Variants in TBX15 observed in about 807,000 individuals in gnomAD.
TBX15 encodes T-box transcription factor 15.
TBX15 carries 18 observed loss-of-function variants against 53.9 expected under a neutral mutation model. That is an observed-to-expected ratio of 0.33 (90% CI 0.23 to 0.49). The LOEUF is 0.49. TBX15 is among the 20% of genes least tolerant of loss of function. The pLI is 0.98. For synonymous variants in TBX15, 295 were observed against 278.0 expected (o/e 1.06, Z -0.61); for missense variants, 692 against 749.5 (o/e 0.92, Z 0.90).
intron 1 of TBX15, among the ~76,000 whole-genome samples, chr1:118,973,211 C>G (rs1192767244): frequency 6.6e-6 from 1 of 152,182 alleles, no homozygotes; most frequent in African/African-American, 2.4e-5. Flanking sequence ...GTCATGTGTT[C>G]AAAGTCACAG....
intron 7 of TBX15, among the ~76,000 whole-genome samples, chr1:118,889,103 G>A (rs1437621100): frequency 6.6e-6 from 1 of 152,172 alleles, no homozygotes; most frequent in Non-Finnish European, 1.5e-5. Flanking sequence ...AGTGTTTGAA[G>A]GAGGCAGGGG....
chr1:118,973,201 G>C (rs1469561510), intron 1 of TBX15, among the ~76,000 whole-genome samples: 1 of 152,160 alleles, frequency 6.6e-6, no homozygotes, highest in African/African-American at 2.4e-5. Context: ...GTGTGCCCAG[G>C]TCATGTGTTC....
chr1:118,934,755 C>T (rs1466106372), intron 1 of TBX15, among the ~76,000 whole-genome samples: 1 of 152,166 alleles, frequency 6.6e-6, no homozygotes, highest in Non-Finnish European at 1.5e-5. Context: ...TCCAAGAGGG[C>T]TAGAACACTC....
intron 5 of TBX15, among the ~76,000 whole-genome samples, chr1:118,920,258 C>T (rs952549527): frequency 3.9e-5 from 6 of 152,148 alleles, no homozygotes; most frequent in Middle Eastern, 3.4e-3. Flanking sequence ...GATGAGGTCA[C>T]GAGAGAGTGC....
chr1:118,905,946 A>C (rs1045265137), intron 6 of TBX15, among the ~76,000 whole-genome samples: 6 of 152,216 alleles, frequency 3.9e-5, no homozygotes, highest in Admixed American at 3.3e-4. Context: ...TATGCCTAGC[A>C]GAAGAGAGTG....
intron 1 of TBX15, among the ~76,000 whole-genome samples, chr1:118,974,355 C>A (rs926958657): frequency 6.6e-6 from 1 of 152,140 alleles, no homozygotes; most frequent in African/African-American, 2.4e-5. Context: ...CTTCTGAAAG[C>A]CATTTTTTTA....
chr1:118,922,096 A>C (rs1050135700), intron 5 of TBX15, among the ~76,000 whole-genome samples: 12 of 152,210 alleles, frequency 7.9e-5, no homozygotes, highest in Non-Finnish European at 1.5e-4. Flanking sequence ...GCGCAGCCAA[A>C]GGGAATGTTA....
At chr1:118,905,209 T>C (rs1331975292) in intron 6 of TBX15, among the ~76,000 whole-genome samples, 1 of 152,190 alleles carries the variant, frequency 6.6e-6, no homozygotes, top group Admixed American at 6.5e-5. Flanking sequence ...CTAATTCCAT[T>C]TTTCGTTGTC....
intron 7 of TBX15, among the ~76,000 whole-genome samples, chr1:118,897,307 C>T (rs1654463440): frequency 6.6e-6 from 1 of 152,118 alleles, no homozygotes; most frequent in Non-Finnish European, 1.5e-5. Context: ...GCAAGTGATC[C>T]CATTCACTAT....
At chr1:118,950,816 G>A (rs1417965293) in intron 1 of TBX15, among the ~76,000 whole-genome samples, 2 of 152,192 alleles carry the variant, frequency 1.3e-5, no homozygotes, top group East Asian at 3.9e-4. Context: ...AAGCTTGCCA[G>A]TATAAAAGCA....
chr1:118,896,886 C>G (rs777617986), intron 7 of TBX15, among the ~76,000 whole-genome samples: 22 of 152,120 alleles, frequency 1.4e-4, no homozygotes, highest in Non-Finnish European at 2.6e-4. Flanking sequence ...TAATGAGAAT[C>G]TGGATCAACT....
chr1:118,961,423 T>G (rs899415619), intron 1 of TBX15, among the ~76,000 whole-genome samples: 2 of 152,198 alleles, frequency 1.3e-5, no homozygotes, highest in African/African-American at 4.8e-5. Context: ...AAAGTACTGC[T>G]AGGAATCAGG....
intron 1 of TBX15, among the ~76,000 whole-genome samples, chr1:118,979,695 A>C (rs993810871): frequency 6.6e-6 from 1 of 152,164 alleles, no homozygotes; most frequent in African/African-American, 2.4e-5. Context: ...CTTCCCGGTT[A>C]GCCCAGGGTC....
intron 1 of TBX15, among the ~76,000 whole-genome samples, chr1:118,982,066 T>G (rs1657670210): frequency 1.3e-5 from 2 of 152,208 alleles, no homozygotes; most frequent in Non-Finnish European, 2.9e-5. Context: ...TTGAACAACT[T>G]TATCTTTTGA....
intron 7 of TBX15, among the ~76,000 whole-genome samples, chr1:118,889,507 C>G (rs180779930): frequency 3.3e-5 from 5 of 152,308 alleles, no homozygotes; most frequent in Admixed American, 3.3e-4. Flanking sequence ...AAGCATGACT[C>G]TCTTCCCTGT....
At chr1:118,891,745 C>T (rs1654152861) in intron 7 of TBX15, among the ~76,000 whole-genome samples, 1 of 152,120 alleles carries the variant, frequency 6.6e-6, no homozygotes, top group Admixed American at 6.6e-5. Context: ...CATGGGGAAA[C>T]TGAGAATAAA....
At chr1:118,918,163 T>C (rs1557883408) in intron 5 of TBX15, among the ~76,000 whole-genome samples, 2 of 152,216 alleles carry the variant, frequency 1.3e-5, no homozygotes, top group Non-Finnish European at 2.9e-5. Flanking sequence ...CTGCTACTCT[T>C]CTTAACTGCA....
intron 1 of TBX15, among the ~76,000 whole-genome samples, chr1:118,936,129 A>C (rs539280394): frequency 6.6e-6 from 1 of 152,146 alleles, no homozygotes. Flanking sequence ...CAATTTCCTT[A>C]ATCCTTATGG....
intron 1 of TBX15, among the ~76,000 whole-genome samples, chr1:118,935,942 A>G (rs1655952772): frequency 6.6e-6 from 1 of 152,172 alleles, no homozygotes; most frequent in Non-Finnish European, 1.5e-5. Context: ...ATGTACTAGA[A>G]TGCACATCTT....
Sources: gnomAD v4.1 joint callset for allele counts (sites outside exome capture counted in the v4.1 genomes callset) on GRCh38, gnomAD v4.1.1 for gene constraint, MANE v1.5 for transcripts, NCBI Gene and HGNC (gene_info 2026-07-23, HGNC 2026-07-21) for gene names.